KCNQ2: variants seen among roughly 807,000 people sequenced by gnomAD.
KCNQ2 encodes the protein potassium voltage-gated channel subfamily Q member 2.
KCNQ2 carries 14 observed loss-of-function variants against 84.8 expected under a neutral mutation model. The observed-to-expected ratio is 0.17, with a 90% CI of 0.11 to 0.26. KCNQ2 has a LOEUF of 0.26. KCNQ2 is among the 10% of genes least tolerant of loss of function. KCNQ2 has a pLI of 1.00. For missense variants in KCNQ2, 788 were observed against 1,254.0 expected (o/e 0.63, Z 5.61); for synonymous variants, 599 against 554.1 (o/e 1.08, Z -1.14).
chr20:63,441,788 A>G (rs1198139214), intron 5 of KCNQ2, among the ~76,000 whole-genome samples: 1 of 152,214 alleles, frequency 6.6e-6, no homozygotes, highest in Admixed American at 6.5e-5. Flanking sequence ...ATAACTTCGG[A>G]TCAGCTGCAT....
intron 11 of KCNQ2, among the ~76,000 whole-genome samples, chr20:63,421,206 G>A (rs879482829): frequency 5.9e-5 from 9 of 152,348 alleles, no homozygotes; most frequent in South Asian, 2.1e-4. Context: ...CTCCCGGGCC[G>A]GCCCTGCCGC....
chr20:63,452,514 C>T (rs2081643378), intron 1 of KCNQ2, among the ~76,000 whole-genome samples: 1 of 152,258 alleles, frequency 6.6e-6, no homozygotes, highest in Non-Finnish European at 1.5e-5. Context: ...ACCTGCACAG[C>T]AGCGTCGAGG....
chr20:63,419,477 G>C lies in KCNQ2; in HGVS notation c.1301+142C>G, dbSNP rs2080400062. 8 of 784,120 alleles carry C rather than the reference G, an allele frequency of 1.0e-5. No individual in the cohort carries two copies. In the East Asian group the frequency reaches 2.1e-4, roughly 21 times the overall value. 48.6% of individuals were successfully genotyped at this position (784,120 alleles called of 1,614,324 possible). On this transcript the variant is annotated intron_variant, in intron 12 of 16. Transcript: ENST00000359125. ...GCTGTCGGCTAGAATAGAGGGAGCT[G>C]AGCCCGCACCGCCAGGGCGGTGGGT...
chr20:63,471,420 C>G lies in KCNQ2; in HGVS notation c.296+748G>C, dbSNP rs373231767. The stretch of plus-strand genomic sequence containing the variant: ...CCCGGGAAGAGGGGACAGCCCCTTC[C>G]AGGCCCAGGGCTGGGGGTCCCAGGT... On this transcript the variant is annotated intron_variant, in intron 1 of 16. Coordinates refer to ENST00000359125, the MANE Select transcript of KCNQ2 (RefSeq NM_172107.4). 2.7e-3 allele frequency among the ~76,000 whole-genome samples: 406 copies of G among 152,358 alleles called. 12 individuals carry two copies. The East Asian group carries it at 0.059, about 22-fold the overall frequency.
At chr20:63,463,055 C>CTGTGTGTGTG (rs10532345) in intron 1 of KCNQ2, among the ~76,000 whole-genome samples, 32 of 148,018 alleles carry the variant, frequency 2.2e-4, no homozygotes, top group African/African-American at 7.7e-4. Context: ...GGTGTCTTTT[C>CTGTGTGTGTG]TGTGTGTGTG....
At chr20:63,440,961 TTTTGTTTG>T (rs891369222) in intron 5 of KCNQ2, among the ~76,000 whole-genome samples, 1 of 149,820 alleles carries the variant, frequency 6.7e-6, no homozygotes, top group Non-Finnish European at 1.5e-5. Context: ...AGGCGTGGTT[TTTTGTTTG>T]TTTGTTTGTT....
chr20:63,459,620 T>C (rs1003190192), intron 1 of KCNQ2: 2 of 152,110 alleles, frequency 1.3e-5, no homozygotes, highest in Non-Finnish European at 2.9e-5. Flanking sequence ...GGCAAGAGTG[T>C]CCACATGGGG....
chr20:63,428,797 A>T (rs2080709200), intron 9 of KCNQ2, among the ~76,000 whole-genome samples: 1 of 152,056 alleles, frequency 6.6e-6, no homozygotes, highest in Non-Finnish European at 1.5e-5. Context: ...TAATCCCTGA[A>T]CATCCTAGAG....
rs569282088 is a variant in KCNQ2, at chr20:63,439,494, G to A, written c.927+104C>T. On this transcript the variant is annotated intron_variant, in intron 6 of 16. Coordinates refer to ENST00000359125, the MANE Select transcript of KCNQ2 (RefSeq NM_172107.4). ...TGTGGACCTGCTGAGAGCTGCTCCT[G>A]CCCCAGGTCCCACCTAGGGAACTGT... 2.0e-5 allele frequency: 17 copies of A among 859,038 alleles called. No individual in the cohort carries two copies. The South Asian group carries it at 2.3e-4, about 11-fold the overall frequency. 53.2% of individuals were successfully genotyped at this position (859,038 alleles called of 1,614,324 possible).
chr20:63,472,097 C>CGGGGTCGCCGAT (rs901623820), intron 1 of KCNQ2, 71 bp downstream of exon 1: 14 of 1,179,156 alleles, frequency 1.2e-5, no homozygotes, highest in South Asian at 5.0e-5. Flanking sequence ...CCAGCCTGGC[C>CGGGGTCGCCGAT]GGGGTCGCCG....
At chr20:63,442,736 TCCACCATCACCACCATCA>T (rs2081220611) in intron 4 of KCNQ2, among the ~76,000 whole-genome samples, 4 of 36,222 alleles carry the variant, frequency 1.1e-4, no homozygotes, top group African/African-American at 5.1e-4. Flanking sequence ...CATCACCACC[TCCACCATCACCACCATCA>T]CCATCACCAC....
chr20:63,445,745 G>A (rs74179803), intron 2 of KCNQ2, among the ~76,000 whole-genome samples: 2,460 of 17,380 alleles, frequency 0.14, 90 homozygotes, highest in East Asian at 0.19. Context: ...GAGCTGGGAG[G>A]CCCTGTCTGA....
chr20:63,441,031 G>A (rs2081146436), intron 5 of KCNQ2, among the ~76,000 whole-genome samples: 1 of 51,620 alleles, frequency 1.9e-5, no homozygotes. Context: ...GCAGTGGCGT[G>A]ATCCCGGCTC....
At chr20:63,452,885 A>T (rs2081655387) in intron 1 of KCNQ2, among the ~76,000 whole-genome samples, 1 of 148,942 alleles carries the variant, frequency 6.7e-6, no homozygotes, top group Admixed American at 6.7e-5. Flanking sequence ...GCCCGGGACG[A>T]CGCGCCAGCC....
At chr20:63,455,145 G>C (rs932163407) in intron 1 of KCNQ2, among the ~76,000 whole-genome samples, 6 of 152,160 alleles carry the variant, frequency 3.9e-5, no homozygotes, top group Non-Finnish European at 8.8e-5. Flanking sequence ...TGGGAGGACG[G>C]TGGGAGGACG....
Position 63,400,555 on chromosome 20 carries a change from G to A in KCNQ2, c.*6089C>T. 2.5e-6 allele frequency: 1 copy of A among 398,414 alleles called. No individual in the cohort carries two copies. The highest frequency in any genetic ancestry group is 2.1e-5 in the African/African-American group (1 of 48,746). The allele number at this position is 398,414 out of a possible 1,614,324, so 24.7% of individuals were successfully genotyped here. A position where few individuals can be genotyped will look rare whatever the true frequency, so the allele number is the denominator to read the frequency against. ...TACGGCACAAGGACACATACAAAAT[G>A]GTCAGAAGTGTACGTCGGTACTGAA... On this transcript the variant is annotated 3_prime_UTR_variant, in exon 17 of 17. Transcript: ENST00000359125. The surrounding 1 kb of genome is among the most constrained non-coding windows in gnomAD (Gnocchi z 8.7).
intron 7 of KCNQ2, among the ~76,000 whole-genome samples, chr20:63,436,088 A>G (rs571512648): frequency 2.0e-5 from 3 of 152,200 alleles, no homozygotes; most frequent in African/African-American, 7.2e-5. Context: ...TAGTTGATAC[A>G]GCAGTGGCAG....
intron 1 of KCNQ2, among the ~76,000 whole-genome samples, chr20:63,455,396 T>G (rs555034736): frequency 6.6e-6 from 1 of 152,176 alleles, no homozygotes; most frequent in South Asian, 2.1e-4. Flanking sequence ...GGGGGACACC[T>G]GGACCGCGGG....
At chr20:63,435,411 G>C (rs2080965546) in intron 7 of KCNQ2, among the ~76,000 whole-genome samples, 1 of 145,890 alleles carries the variant, frequency 6.9e-6, no homozygotes, top group Admixed American at 6.9e-5. Flanking sequence ...AAAAAAAGTT[G>C]GCCATCCTAA....
Sources: gnomAD v4.1 joint callset for allele counts (sites outside exome capture counted in the v4.1 genomes callset) on GRCh38, gnomAD v4.1.1 for gene constraint, Gnocchi (gnomAD v3.1) non-coding constraint, MANE v1.5 for transcripts, NCBI Gene and HGNC (gene_info 2026-07-23, HGNC 2026-07-21) for gene names.